Variants in ANKRD44 observed in about 807,000 individuals in gnomAD.
The protein encoded by ANKRD44 is ankyrin repeat domain 44, also known as serine/threonine-protein phosphatase 6 regulatory ankyrin repeat subunit B.
Under a neutral mutation model 116.0 loss-of-function variants are expected in ANKRD44, and 35 were observed. That is an observed-to-expected ratio of 0.30 (90% CI 0.23 to 0.40). The LOEUF is 0.40. Among genes scored for constraint, ANKRD44 ranks in the 10% least tolerant of loss-of-function variants. ANKRD44 has a pLI of 1.00. For missense variants in ANKRD44, 1,014 were observed against 1,242.6 expected (o/e 0.82, Z 2.77); for synonymous variants, 435 against 461.8 (o/e 0.94, Z 0.74).
intron 16 of ANKRD44, among the ~76,000 whole-genome samples, chr2:197,064,649 A>T (rs1204902883): frequency 1.3e-5 from 2 of 152,226 alleles, no homozygotes; most frequent in Non-Finnish European, 2.9e-5. Context: ...CAGGGGTTGC[A>T]ATCCTAGTCT....
At chr2:197,223,302 T>C (rs1255046550) in intron 1 of ANKRD44, among the ~76,000 whole-genome samples, 3 of 152,210 alleles carry the variant, frequency 2.0e-5, no homozygotes, top group Non-Finnish European at 4.4e-5. Context: ...TCAGTAGTTA[T>C]CAATCCCATG....
intron 1 of ANKRD44, among the ~76,000 whole-genome samples, chr2:197,191,028 A>G (rs941806198): frequency 5.3e-5 from 8 of 152,242 alleles, no homozygotes. Flanking sequence ...TTCAGATACC[A>G]TGAAATCATT....
chr2:197,199,234 G>T (rs1003672714), intron 1 of ANKRD44: 2 of 152,126 alleles, frequency 1.3e-5, no homozygotes, highest in South Asian at 4.1e-4. Context: ...GTATCTTTAC[G>T]TAACGAGCTG....
At chr2:197,116,917 C>T (rs985918503) in intron 8 of ANKRD44, among the ~76,000 whole-genome samples, 8 of 152,140 alleles carry the variant, frequency 5.3e-5, no homozygotes, top group South Asian at 2.1e-4. Flanking sequence ...TTCCTCCTGA[C>T]GTCTTTCTTA....
intron 16 of ANKRD44, among the ~76,000 whole-genome samples, chr2:197,033,042 G>A (rs1363502981): frequency 2.1e-5 from 3 of 141,910 alleles, no homozygotes; most frequent in Non-Finnish European, 1.6e-5. Flanking sequence ...GATATAAGGT[G>A]GTAGGCTTTA....
intron 1 of ANKRD44, among the ~76,000 whole-genome samples, chr2:197,308,919 C>A (rs910181133): frequency 5.9e-5 from 9 of 152,168 alleles, no homozygotes; most frequent in African/African-American, 2.2e-4. Context: ...AGAGCTAGTC[C>A]CAGTCCTGCA....
chr2:197,266,378 T>G (rs753940149), intron 1 of ANKRD44, among the ~76,000 whole-genome samples: 1 of 152,140 alleles, frequency 6.6e-6, no homozygotes, highest in South Asian at 2.1e-4. Flanking sequence ...CAGTTGAAAT[T>G]ACATCCTTAA....
chr2:197,170,114 G>A lies in ANKRD44; in HGVS notation c.111+16909C>T, dbSNP rs115357253. Among the ~76,000 whole-genome samples the A allele has an allele frequency of 3.8e-3, 558 of 148,534 alleles. 5 individuals are homozygous for A. Among genetic ancestry groups the A allele is most frequent in the African/African-American group, 0.013 (522 of 39,898 alleles). The stretch of plus-strand genomic sequence containing the variant: ...CTGAGGTGAGAGGTTTGTAGGAACC[G>A]AGGAAGTTGAGGCTGCAGTGAGCCA... On this transcript the variant is annotated intron_variant, in intron 2 of 27. Transcript: ENST00000282272.
At chr2:197,076,709 T>C (rs2077674473) in intron 16 of ANKRD44, among the ~76,000 whole-genome samples, 1 of 152,166 alleles carries the variant, frequency 6.6e-6, no homozygotes, top group South Asian at 2.1e-4. Flanking sequence ...TTTGTGTCCA[T>C]GTGTTCTCAT....
chr2:197,192,556 A>G (rs1306397351), intron 1 of ANKRD44, among the ~76,000 whole-genome samples: 3 of 152,234 alleles, frequency 2.0e-5, no homozygotes, highest in Admixed American at 2.0e-4. Context: ...TAATCTAGCC[A>G]TATGAAGCCA....
chr2:197,023,749 C>T (rs2076540419), intron 17 of ANKRD44, among the ~76,000 whole-genome samples: 1 of 152,178 alleles, frequency 6.6e-6, no homozygotes, highest in East Asian at 1.9e-4. Flanking sequence ...TTTGTGAGTG[C>T]TCAGCTTTGG....
downstream of ANKRD44, among the ~76,000 whole-genome samples, chr2:196,985,671 G>A (rs2075831851): frequency 6.6e-6 from 1 of 152,166 alleles, no homozygotes; most frequent in African/African-American, 2.4e-5. Flanking sequence ...GAAAGAGCTG[G>A]TGATGTGACT....
At position 197,156,860 on chromosome 2, in the gene ANKRD44, T is replaced by G. The variant is rs1411005840; in HGVS notation, c.112-9755A>C. 5.9e-5 allele frequency among the ~76,000 whole-genome samples: 9 copies of G among 152,280 alleles called. No homozygotes were observed. In the East Asian group the frequency reaches 1.7e-3, roughly 29 times the overall value. ...GGGCAAAAAAAAAGTACATATTGTA[T>G]AAATCCACGTACATAAAATTCTAGA... On this transcript the variant is annotated intron_variant, in intron 2 of 27. Coordinates refer to ENST00000282272, the MANE Select transcript of ANKRD44 (RefSeq NM_001195144.2).
intron 9 of ANKRD44, among the ~76,000 whole-genome samples, chr2:197,107,658 C>G (rs2078463963): frequency 6.6e-6 from 1 of 152,136 alleles, no homozygotes; most frequent in African/African-American, 2.4e-5. Context: ...TTTAACAAAA[C>G]AAATAAATAC....
chr2:197,109,110 C>T (rs2078505531), intron 9 of ANKRD44, among the ~76,000 whole-genome samples: 1 of 152,166 alleles, frequency 6.6e-6, no homozygotes, highest in Non-Finnish European at 1.5e-5. Flanking sequence ...TTCCCTCCAA[C>T]CTTGTCTCTG....
Position 197,102,951 on chromosome 2 carries a change from G to C in ANKRD44, c.986-3021C>G, listed in dbSNP as rs542932576. Among the ~76,000 whole-genome samples, 51 of 151,890 alleles carry C rather than the reference G, an allele frequency of 3.4e-4. 2 individuals carry two copies. In the South Asian group the frequency reaches 8.5e-3, roughly 25 times the overall value. On this transcript the variant is annotated intron_variant, in intron 9 of 27. Coordinates refer to ENST00000282272, the MANE Select transcript of ANKRD44 (RefSeq NM_001195144.2). Reference sequence around the variant, plus strand: ...CTGTCAAAAAAATTTGGGGGGTGGCGGGGCGTGGTGGCTCATGCCTGTAAT... The same window carrying C: ...CTGTCAAAAAAATTTGGGGGGTGGCCGGGCGTGGTGGCTCATGCCTGTAAT...
At chr2:197,225,209 T>C (rs1339098351) in intron 1 of ANKRD44, among the ~76,000 whole-genome samples, 1 of 152,210 alleles carries the variant, frequency 6.6e-6, no homozygotes, top group Non-Finnish European at 1.5e-5. Flanking sequence ...ATGCCACATA[T>C]CCCAGTTTTC....
intron 1 of ANKRD44, among the ~76,000 whole-genome samples, chr2:197,211,420 G>C (rs947124843): frequency 2.0e-5 from 3 of 152,156 alleles, no homozygotes; most frequent in African/African-American, 7.2e-5. Flanking sequence ...AAGGAGCCAG[G>C]ATCAACCAGG....
chr2:197,134,302 T>C (rs2079167395), intron 4 of ANKRD44: 1 of 152,196 alleles, frequency 6.6e-6, no homozygotes, highest in South Asian at 2.1e-4. Flanking sequence ...CAGATACTAA[T>C]ATGAAGACAT....
Sources: allele counts gnomAD v4.1 joint callset (sites outside exome capture counted in the v4.1 genomes callset), GRCh38; gene constraint gnomAD v4.1.1; transcripts MANE v1.5; gene names NCBI Gene and HGNC (gene_info 2026-07-23, HGNC 2026-07-21).